Variants in MACROD2 observed in about 807,000 individuals in gnomAD.
MACROD2 encodes the protein ADP-ribose glycohydrolase MACROD2.
MACROD2 carries 36 observed loss-of-function variants against 70.4 expected under a neutral mutation model. The ratio of observed to expected loss-of-function variants is 0.51; its 90% CI spans 0.39 to 0.68. MACROD2 has a LOEUF of 0.68. Ranked by LOEUF, MACROD2 falls within the 30% of genes least tolerant of loss-of-function variation. MACROD2 has a pLI of 0.00. For missense variants in MACROD2, 496 were observed against 538.4 expected (o/e 0.92, Z 0.78); for synonymous variants, 172 against 178.8 (o/e 0.96, Z 0.30).
intron 4 of MACROD2, among the ~76,000 whole-genome samples, chr20:14,634,421 C>T (rs1181040037): frequency 1.3e-5 from 2 of 152,224 alleles, no homozygotes; most frequent in Non-Finnish European, 2.9e-5. Flanking sequence ...GCTGTTTTCA[C>T]ATCGATTTGT....
In MACROD2 at chr20:15,040,271, C is replaced by T. The variant is rs140174576; in HGVS notation, c.419-189669C>T. On this transcript the variant is annotated intron_variant, in intron 5 of 17. Coordinates refer to ENST00000684519, the MANE Select transcript of MACROD2 (RefSeq NM_001351661.2). ...CGGAGCTTGCAGTGAGTCGAGATCG[C>T]GCCACTGCACTCCAGCCTGGGCGAC... Among the ~76,000 whole-genome samples, 147 of 151,298 alleles carry T rather than the reference C, an allele frequency of 9.7e-4. 3 individuals are homozygous for T. In the East Asian group the frequency reaches 0.024, roughly 25 times the overall value.
intron 2 of MACROD2, among the ~76,000 whole-genome samples, chr20:14,055,524 A>G (rs961636619): frequency 2.6e-5 from 4 of 151,656 alleles, no homozygotes; most frequent in Non-Finnish European, 5.9e-5. Flanking sequence ...AAAAAAAAAA[A>G]ATACATATAT....
rs1395444543 is a variant in MACROD2 at position 14,975,716 on chromosome 20, C to T, written c.419-254224C>T. Among the ~76,000 whole-genome samples, 5 of 151,974 alleles carry T rather than the reference C, an allele frequency of 3.3e-5. No individual in the cohort carries two copies. The East Asian group carries it at 7.7e-4, about 24-fold the overall frequency. On this transcript the variant is annotated intron_variant, in intron 5 of 17. Transcript: ENST00000684519. ...GTCAGGGTGGGTGCCCTTATGATCCCCATTAGCAGGTGAGGTAATTGAGGC... is the reference window on the plus strand; with the variant it reads ...GTCAGGGTGGGTGCCCTTATGATCCTCATTAGCAGGTGAGGTAATTGAGGC...
At chr20:16,001,115 C>A (rs1422015569) in intron 15 of MACROD2, among the ~76,000 whole-genome samples, 1 of 152,196 alleles carries the variant, frequency 6.6e-6, no homozygotes, top group Non-Finnish European at 1.5e-5. Context: ...GTAAGTGCTG[C>A]TTTTCTCTCT....
At chr20:14,928,274 T>A (rs973306843) in intron 5 of MACROD2, among the ~76,000 whole-genome samples, 5 of 152,216 alleles carry the variant, frequency 3.3e-5, no homozygotes, top group African/African-American at 1.2e-4. Context: ...ATATCGTTTG[T>A]CAAGTCACCA....
intron 5 of MACROD2, among the ~76,000 whole-genome samples, chr20:15,164,582 A>C (rs2076370184): frequency 6.6e-6 from 1 of 152,130 alleles, no homozygotes; most frequent in African/African-American, 2.4e-5. Context: ...ATTGAATATT[A>C]ATGAGGTGTA....
chr20:15,142,590 C>A (rs972150464), intron 5 of MACROD2, among the ~76,000 whole-genome samples: 1 of 151,958 alleles, frequency 6.6e-6, no homozygotes, highest in Non-Finnish European at 1.5e-5. Flanking sequence ...TATACATGTG[C>A]CATGTTGGTG....
At chr20:15,874,690 T>C (rs910829305) in intron 9 of MACROD2, among the ~76,000 whole-genome samples, 7 of 152,162 alleles carry the variant, frequency 4.6e-5, no homozygotes, top group African/African-American at 1.7e-4. Flanking sequence ...TTTAAATATG[T>C]TTCAGACGCT....
chr20:14,263,112 G>A (rs145719368), intron 3 of MACROD2, among the ~76,000 whole-genome samples: 1 of 152,180 alleles, frequency 6.6e-6, no homozygotes, highest in East Asian at 1.9e-4. Context: ...GTGACTTTTC[G>A]TTAGGAATGC....
At chr20:15,009,700 C>A (rs1309697034) in intron 5 of MACROD2, among the ~76,000 whole-genome samples, 1 of 151,534 alleles carries the variant, frequency 6.6e-6, no homozygotes, top group Non-Finnish European at 1.5e-5. Flanking sequence ...CTAAAGAAAA[C>A]TCCTTCCCAG....
intron 6 of MACROD2, among the ~76,000 whole-genome samples, chr20:15,282,068 C>T (rs1188171542): frequency 6.6e-6 from 1 of 152,222 alleles, no homozygotes; most frequent in African/African-American, 2.4e-5. Context: ...CTGAGCTGTA[C>T]ATTGGCCCCT....
intron 5 of MACROD2, among the ~76,000 whole-genome samples, chr20:14,744,629 T>G (rs2071776247): frequency 6.6e-6 from 1 of 152,112 alleles, no homozygotes; most frequent in Admixed American, 6.6e-5. Context: ...CAGCTCTGGG[T>G]TTTACCAGAT....
intron 4 of MACROD2, among the ~76,000 whole-genome samples, chr20:14,634,797 C>A (rs1462145112): frequency 6.6e-6 from 1 of 152,166 alleles, no homozygotes; most frequent in Non-Finnish European, 1.5e-5. Flanking sequence ...TCTCTTTCAT[C>A]TGAAATTATG....
At chr20:14,933,776 C>A (rs1405539672) in intron 5 of MACROD2, 1 of 151,878 alleles carries the variant, frequency 6.6e-6, no homozygotes, top group Admixed American at 6.6e-5. Context: ...AAATAACTTA[C>A]TATTTATAGA....
intron 8 of MACROD2, among the ~76,000 whole-genome samples, chr20:15,544,115 T>C (rs1458549007): frequency 6.6e-6 from 1 of 152,198 alleles, no homozygotes; most frequent in Non-Finnish European, 1.5e-5. Flanking sequence ...TCATGTGATC[T>C]ACCTCAGCTT....
At chr20:14,871,385 G>T (rs2073486740) in intron 5 of MACROD2, among the ~76,000 whole-genome samples, 1 of 152,064 alleles carries the variant, frequency 6.6e-6, no homozygotes, top group African/African-American at 2.4e-5. Flanking sequence ...TTGAATAAAA[G>T]AAATTCCAAC....
intron 6 of MACROD2, among the ~76,000 whole-genome samples, chr20:15,350,570 C>T (rs759081419): frequency 2.0e-5 from 3 of 152,098 alleles, no homozygotes; most frequent in African/African-American, 4.8e-5. Flanking sequence ...TATGGGATCA[C>T]GTATTAGGAT....
At chr20:14,934,868 A>G (rs890421018) in intron 5 of MACROD2, 4 of 152,166 alleles carry the variant, frequency 2.6e-5, no homozygotes, top group African/African-American at 9.7e-5. Flanking sequence ...ATTTATGTAG[A>G]GGGACTGTGA....
intron 5 of MACROD2, among the ~76,000 whole-genome samples, chr20:15,214,030 C>A (rs1035378891): frequency 9.9e-5 from 15 of 152,044 alleles, no homozygotes; most frequent in Admixed American, 5.2e-4. Context: ...CAGGTGTGAG[C>A]CATGGCTCCC....
Sources: allele counts gnomAD v4.1 joint callset (sites outside exome capture counted in the v4.1 genomes callset), GRCh38; gene constraint gnomAD v4.1.1; transcripts MANE v1.5; gene names NCBI Gene and HGNC (gene_info 2026-07-23, HGNC 2026-07-21).